The following PTPRT variants were observed in gnomAD, a reference collection of about 807,000 sequenced individuals.
PTPRT encodes the protein protein tyrosine phosphatase receptor type T, also known as receptor-type tyrosine-protein phosphatase T.
PTPRT carries 56 observed loss-of-function variants against 176.8 expected under a neutral mutation model. The ratio of observed to expected loss-of-function variants is 0.32; its 90% CI spans 0.26 to 0.40. PTPRT has a LOEUF of 0.40. Among genes scored for constraint, PTPRT ranks in the 10% least tolerant of loss-of-function variants. The probability of loss-of-function intolerance (pLI) is 1.00; values close to 1 mark genes in which losing one functional copy is unlikely to be tolerated. For synonymous variants in PTPRT, 783 were observed against 739.0 expected (o/e 1.06, Z -0.96); for missense variants, 1,540 against 1,908.2 (o/e 0.81, Z 3.60).
In PTPRT at chr20:42,337,122, C is replaced by T. The variant is rs573812340; in HGVS notation, c.1865+13506G>A. Among the ~76,000 whole-genome samples, 8 of 152,128 alleles carry T rather than the reference C, an allele frequency of 5.3e-5. No homozygotes were observed. In the South Asian group the frequency reaches 1.7e-3, roughly 32 times the overall value. ...GAAGAATGCATACTCACAATTGATG[C>T]CACTAATAGCAATGCTTACAGATAT... On this transcript the variant is annotated intron_variant, in intron 11 of 30. Coordinates refer to ENST00000373187, the MANE Select transcript of PTPRT (RefSeq NM_007050.6).
intron 1 of PTPRT, among the ~76,000 whole-genome samples, chr20:42,976,494 C>T (rs953703626): frequency 6.6e-6 from 1 of 152,094 alleles, no homozygotes; most frequent in African/African-American, 2.4e-5. Flanking sequence ...CAACCTCCGC[C>T]TCCTGGGTTC....
At chr20:42,938,681 C>A (rs145285533) in intron 1 of PTPRT, among the ~76,000 whole-genome samples, 6 of 152,290 alleles carry the variant, frequency 3.9e-5, no homozygotes, top group East Asian at 1.9e-4. Flanking sequence ...CCCTCCCCCC[C>A]ATGCTTGCTA....
intron 13 of PTPRT, among the ~76,000 whole-genome samples, chr20:42,249,624 A>C (rs1297569937): frequency 2.0e-5 from 3 of 152,178 alleles, no homozygotes; most frequent in African/African-American, 7.2e-5. Flanking sequence ...AGTTGCTAAA[A>C]GTCACATGGC....
chr20:42,817,285 A>C (rs897701746), intron 2 of PTPRT, among the ~76,000 whole-genome samples: 2 of 152,110 alleles, frequency 1.3e-5, no homozygotes, highest in African/African-American at 4.8e-5. Context: ...GGGATCTGAA[A>C]GGCAGAGAAG....
intron 18 of PTPRT, among the ~76,000 whole-genome samples, chr20:42,139,387 G>C (rs1044511910): frequency 7.2e-5 from 11 of 152,306 alleles, no homozygotes; most frequent in Non-Finnish European, 1.5e-4. Context: ...AGTCCAAGCA[G>C]TTTATGTAGG....
At chr20:42,315,482 G>A (rs1320748293) in intron 12 of PTPRT, among the ~76,000 whole-genome samples, 1 of 152,164 alleles carries the variant, frequency 6.6e-6, no homozygotes, top group African/African-American at 2.4e-5. Flanking sequence ...TAGGCTTTGT[G>A]GAGCATATAG....
rs1986255970 is a variant in PTPRT at position 42,104,627 on chromosome 20, TAGTAGAGAGAACGGA to T, written c.3467_3481del (p.Phe1156_Tyr1160del). 1 of 1,610,442 alleles carries T rather than the reference TAGTAGAGAGAACGGA, an allele frequency of 6.2e-7. No homozygotes were observed. The highest frequency in any genetic ancestry group is 1.3e-5 in the African/African-American group (1 of 74,822). On this transcript the variant is annotated inframe_deletion, in exon 25 of 31. Transcript: ENST00000373187. ...CTGGGGGTCCAGCCTGCTGATATTG[TAGTAGAGAGAACGGA>T]ACTCACACACAGGGATGGCAGTGTT... is the stretch of plus-strand genomic sequence containing the variant.
At chr20:42,339,414 G>T (rs1208061237) in intron 11 of PTPRT, among the ~76,000 whole-genome samples, 2 of 152,180 alleles carry the variant, frequency 1.3e-5, no homozygotes, top group Non-Finnish European at 2.9e-5. Flanking sequence ...TTATCCTCAT[G>T]CTGAAACACA....
chr20:43,146,255 C>T (rs1372158439), intron 1 of PTPRT, among the ~76,000 whole-genome samples: 1 of 152,196 alleles, frequency 6.6e-6, no homozygotes, highest in Non-Finnish European at 1.5e-5. Flanking sequence ...TCACTTTGAG[C>T]TAACACAATA....
intron 6 of PTPRT, among the ~76,000 whole-genome samples, chr20:42,700,738 A>G (rs1357691631): frequency 6.6e-6 from 1 of 152,244 alleles, no homozygotes; most frequent in East Asian, 1.9e-4. Flanking sequence ...ATAAGTCACC[A>G]TCCCTCTCTG....
In PTPRT at chr20:42,649,066, A is replaced by G. The variant is rs535896085; in HGVS notation, c.1153+28800T>C. 9.6e-3 allele frequency among the ~76,000 whole-genome samples: 1,452 copies of G among 151,694 alleles called. 11 individuals are homozygous for G. Among genetic ancestry groups the G allele is most frequent in the Middle Eastern group, 0.02 (6 of 294 alleles). ...AATCTCATGACCTTGTGATCCGCCC[A>G]CCTCGGCCTCCCAAAGTGCTAGGAT... is the stretch of plus-strand genomic sequence containing the variant. On this transcript the variant is annotated intron_variant, in intron 7 of 30. Coordinates refer to ENST00000373187, the MANE Select transcript of PTPRT (RefSeq NM_007050.6).
intron 1 of PTPRT, among the ~76,000 whole-genome samples, chr20:42,949,531 A>G (rs1981097478): frequency 6.6e-6 from 1 of 152,216 alleles, no homozygotes; most frequent in Non-Finnish European, 1.5e-5. Context: ...CTTGAAGAAG[A>G]AGCAAGGTTC....
intron 9 of PTPRT, among the ~76,000 whole-genome samples, chr20:42,361,583 T>C (rs2058432380): frequency 6.6e-6 from 1 of 152,190 alleles, no homozygotes; most frequent in African/African-American, 2.4e-5. Context: ...CTAACTCCCC[T>C]GGGGCCGCCA....
chr20:42,503,775 A>G lies in PTPRT; in HGVS notation c.1154-31213T>C, dbSNP rs114419045. On this transcript the variant is annotated intron_variant, in intron 7 of 30. Transcript: ENST00000373187. ...TACAGAGATGTATCTGGTATCTCCA[A>G]GCATTCTTCTTATGCCTTCTGCTCA... Among the ~76,000 whole-genome samples, 1,123 of 152,190 alleles carry G rather than the reference A, an allele frequency of 7.4e-3. 10 individuals are homozygous for G. Among genetic ancestry groups the G allele is most frequent in the African/African-American group, 0.026 (1,061 of 41,540 alleles).
chr20:42,460,915 C>G (rs1005635516), intron 8 of PTPRT, among the ~76,000 whole-genome samples: 1 of 152,178 alleles, frequency 6.6e-6, no homozygotes, highest in Non-Finnish European at 1.5e-5. Flanking sequence ...TTAAAAGGAA[C>G]CAGCAAACTG....
In PTPRT at chr20:42,084,735, C is replaced by A. The variant is rs1983700108; in HGVS notation, c.4083G>T (p.Glu1361Asp). 2 of 1,568,962 alleles carry A rather than the reference C, an allele frequency of 1.3e-6. No homozygotes were observed. The highest frequency in any genetic ancestry group is 4.6e-5 in the East Asian group (2 of 43,264). ...TCCCGTCATACTGCTCCTGCCACTT[C>A]TCCAGTCGTCGGACCACTTTGAGCA... ...RSLLKVVRRL[E>D]KWQEQYDGRE... Residue 1361 changes from glutamate (E) to aspartate (D), a missense_variant, in exon 29 of 31, where the codon GAG (glutamate) becomes GAT (aspartate). This residue lies in a region of PTPRT where 342 missense variants were observed against 394.0 expected (regional missense o/e 0.87). Transcript: ENST00000373187.
intron 1 of PTPRT, among the ~76,000 whole-genome samples, chr20:42,905,510 G>A (rs1026383690): frequency 6.6e-5 from 10 of 152,178 alleles, no homozygotes; most frequent in Admixed American, 3.9e-4. Flanking sequence ...ACAGTGTGGC[G>A]ATTCCTCAAG....
intron 7 of PTPRT, among the ~76,000 whole-genome samples, chr20:42,647,937 C>T (rs545221622): frequency 2.6e-5 from 4 of 152,148 alleles, no homozygotes; most frequent in Non-Finnish European, 5.9e-5. Flanking sequence ...AGTTTCTTCT[C>T]TGAGGTAAGC....
chr20:42,087,724 T>C (rs1984130437), intron 27 of PTPRT, among the ~76,000 whole-genome samples: 1 of 150,892 alleles, frequency 6.6e-6, no homozygotes, highest in Non-Finnish European at 1.5e-5. Flanking sequence ...AATACAAAAA[T>C]TAGCCGGGTA....
Sources: gnomAD v4.1 joint callset for allele counts (sites outside exome capture counted in the v4.1 genomes callset) on GRCh38, gnomAD v4.1.1 for gene constraint, gnomAD v4.1.1 regional missense constraint, MANE v1.5 for transcripts, NCBI Gene and HGNC (gene_info 2026-07-23, HGNC 2026-07-21) for gene names.